SLC24A3: variants seen among roughly 807,000 people sequenced by gnomAD.
The protein encoded by SLC24A3 is solute carrier family 24 member 3.
Under a neutral mutation model 75.8 loss-of-function variants are expected in SLC24A3, and 28 were observed. That is an observed-to-expected ratio of 0.37 (90% CI 0.27 to 0.51). SLC24A3 has a LOEUF of 0.51. Ranked by LOEUF, SLC24A3 falls within the 20% of genes least tolerant of loss-of-function variation. The pLI is 0.94. For missense variants in SLC24A3, 663 were observed against 847.8 expected (o/e 0.78, Z 2.71); for synonymous variants, 372 against 334.1 (o/e 1.11, Z -1.24).
At chr20:19,462,278 C>CT (rs4052747) in intron 2 of SLC24A3, among the ~76,000 whole-genome samples, 14 of 149,956 alleles carry the variant, frequency 9.3e-5, no homozygotes, top group African/African-American at 7.3e-5. Context: ...GGCTTTCTTT[C>CT]TTTTTTTTGC....
intron 2 of SLC24A3, among the ~76,000 whole-genome samples, chr20:19,297,135 C>A (rs73284619): frequency 0.02 from 3,059 of 152,300 alleles, 41 homozygotes; most frequent in African/African-American, 0.031. Context: ...TTATCCCTCT[C>A]CCCAACCCTG....
chr20:19,430,111 G>A (rs1015031998), intron 2 of SLC24A3, among the ~76,000 whole-genome samples: 8 of 147,974 alleles, frequency 5.4e-5, no homozygotes, highest in African/African-American at 2.0e-4. Flanking sequence ...CCCAGCCCCC[G>A]ACCCCACCCT....
intron 2 of SLC24A3, among the ~76,000 whole-genome samples, chr20:19,435,730 C>T (rs527339565): frequency 6.6e-6 from 1 of 152,314 alleles, no homozygotes; most frequent in East Asian, 1.9e-4. Context: ...TAGTGAGAGT[C>T]TGTGATAGCT....
intron 3 of SLC24A3, among the ~76,000 whole-genome samples, chr20:19,534,740 G>GT (rs1266581455): frequency 6.6e-6 from 1 of 152,180 alleles, no homozygotes; most frequent in Non-Finnish European, 1.5e-5. Flanking sequence ...ACATCTATGT[G>GT]TAGAGACCCC....
intron 2 of SLC24A3, among the ~76,000 whole-genome samples, chr20:19,365,903 C>T (rs1985881219): frequency 6.6e-6 from 1 of 152,122 alleles, no homozygotes; most frequent in African/African-American, 2.4e-5. Context: ...ACATGTGGGT[C>T]CTTTATTATC....
At chr20:19,225,512 G>A (rs1022207178) in intron 1 of SLC24A3, among the ~76,000 whole-genome samples, 3 of 152,044 alleles carry the variant, frequency 2.0e-5, no homozygotes, top group Admixed American at 1.3e-4. Flanking sequence ...TTTAGATCCT[G>A]CTTTTAAAAT....
chr20:19,333,495 C>T (rs560824149), intron 2 of SLC24A3, among the ~76,000 whole-genome samples: 60 of 152,104 alleles, frequency 3.9e-4, no homozygotes, highest in African/African-American at 1.1e-3. Context: ...TTCACCAAAG[C>T]GGTTTGTGGT....
chr20:19,668,010 G>A (rs749073187), intron 8 of SLC24A3, among the ~76,000 whole-genome samples: 5 of 152,258 alleles, frequency 3.3e-5, no homozygotes, highest in Non-Finnish European at 5.9e-5. Context: ...AAATCCCCTC[G>A]TGTGTCTTGA....
intron 1 of SLC24A3, among the ~76,000 whole-genome samples, chr20:19,250,325 C>G (rs1982612789): frequency 6.6e-6 from 1 of 152,222 alleles, no homozygotes; most frequent in Non-Finnish European, 1.5e-5. Flanking sequence ...TCAGGAGCAT[C>G]AGGTTCCTCC....
chr20:19,255,551 T>C (rs761911928), intron 1 of SLC24A3, among the ~76,000 whole-genome samples: 5 of 152,234 alleles, frequency 3.3e-5, no homozygotes, highest in Non-Finnish European at 7.3e-5. Context: ...GTCCCAGGAA[T>C]GCTTGGGTTC....
chr20:19,671,457 AT>A (rs1568692241), intron 8 of SLC24A3, among the ~76,000 whole-genome samples: 1 of 152,208 alleles, frequency 6.6e-6, no homozygotes, highest in Non-Finnish European at 1.5e-5. Flanking sequence ...GAAGTGAAAA[AT>A]GACCTAGGGA....
chr20:19,683,283 A>C (rs1431254744), intron 10 of SLC24A3, among the ~76,000 whole-genome samples: 1 of 152,240 alleles, frequency 6.6e-6, no homozygotes, highest in African/African-American at 2.4e-5. Flanking sequence ...AGAGCTACCT[A>C]GTATTAGCCA....
intron 2 of SLC24A3, among the ~76,000 whole-genome samples, chr20:19,332,744 G>C (rs1391689447): frequency 6.6e-6 from 1 of 152,164 alleles, no homozygotes; most frequent in African/African-American, 2.4e-5. Flanking sequence ...GAGGTGGCAA[G>C]AGGACCTTGG....
At chr20:19,551,537 T>A (rs1390435075) in intron 3 of SLC24A3, among the ~76,000 whole-genome samples, 2 of 152,146 alleles carry the variant, frequency 1.3e-5, no homozygotes, top group Non-Finnish European at 2.9e-5. Context: ...TCATGGTGAG[T>A]GTAGAGAAAT....
Position 19,594,227 on chromosome 20 carries a change from G to T in SLC24A3, c.612+8683G>T, listed in dbSNP as rs142788857. Among the ~76,000 whole-genome samples the T allele has an allele frequency of 3.7e-4, 56 of 150,568 alleles. No individual in the cohort carries two copies. In the East Asian group the frequency reaches 0.011, roughly 30 times the overall value. ...GTTCCTTCGACTGGTGTCCACTGAA[G>T]ACTCCCTGGTCTTCCCTCCTATCAA... On this transcript the variant is annotated intron_variant, in intron 6 of 16. Transcript: ENST00000328041.
At chr20:19,593,336 A>G (rs139405078) in intron 6 of SLC24A3, among the ~76,000 whole-genome samples, 31 of 152,336 alleles carry the variant, frequency 2.0e-4, no homozygotes, top group African/African-American at 7.2e-4. Flanking sequence ...GGAGGTAGAG[A>G]CTGGGCATCC....
intron 6 of SLC24A3, among the ~76,000 whole-genome samples, chr20:19,613,173 C>T (rs968299446): frequency 6.6e-6 from 1 of 152,186 alleles, no homozygotes; most frequent in African/African-American, 2.4e-5. Flanking sequence ...TTTAATTCTC[C>T]ATCCTATGTA....
chr20:19,505,898 T>G (rs1296882672), intron 2 of SLC24A3, among the ~76,000 whole-genome samples: 1 of 152,232 alleles, frequency 6.6e-6, no homozygotes, highest in Non-Finnish European at 1.5e-5. Flanking sequence ...CTGGTATTGA[T>G]GTCTTGGGAA....
At position 19,262,097 on chromosome 20, in the gene SLC24A3, G is replaced by A. The variant is rs529506010; in HGVS notation, c.143-18862G>A. Among the ~76,000 whole-genome samples the A allele has an allele frequency of 4.6e-4, 70 of 152,142 alleles. No homozygotes were observed. In the East Asian group the frequency reaches 0.012, roughly 25 times the overall value. On this transcript the variant is annotated intron_variant, in intron 1 of 16. Transcript: ENST00000328041. Reference sequence around the variant, plus strand: ...AATGGCTGCAGCAGTTGCAAGCATCGCCTCTATACACAGAAAGAGAGAGAG... The same window carrying A: ...AATGGCTGCAGCAGTTGCAAGCATCACCTCTATACACAGAAAGAGAGAGAG...
Sources: allele counts gnomAD v4.1 joint callset (sites outside exome capture counted in the v4.1 genomes callset), GRCh38; gene constraint gnomAD v4.1.1; transcripts MANE v1.5; gene names NCBI Gene and HGNC (gene_info 2026-07-23, HGNC 2026-07-21).